The following USP3 variants were observed in gnomAD, a reference collection of about 807,000 sequenced individuals.
USP3 encodes ubiquitin specific peptidase 3.
In USP3, 20 loss-of-function variants were observed where a neutral mutation model predicts 72.3. That is an observed-to-expected ratio of 0.28 (90% CI 0.19 to 0.40). The LOEUF (loss-of-function observed/expected upper bound fraction) is 0.40, where lower values mean the gene tolerates loss of function less well. Ranked by LOEUF, USP3 falls within the 10% of genes least tolerant of loss-of-function variation. The pLI is 1.00. For missense variants in USP3, 479 were observed against 633.9 expected, an observed-to-expected ratio of 0.76 and a Z score of 2.62; for synonymous variants, 222 against 225.3, an observed-to-expected ratio of 0.99 and a Z score of 0.13.
chr15:63,589,153 G>A (rs1487590937), intron 14 of USP3, 142 bp downstream of exon 14: 2 of 866,022 alleles, frequency 2.3e-6, no homozygotes, highest in African/African-American at 1.7e-5. Flanking sequence ...TTTTGGTGCG[G>A]AAGAGTACTC....
chr15:63,506,399 G>A (rs547792233), intron 1 of USP3, among the ~76,000 whole-genome samples: 2 of 152,082 alleles, frequency 1.3e-5, no homozygotes, highest in South Asian at 2.1e-4. Flanking sequence ...GTAAACACTA[G>A]GAGAAGCCTA....
In USP3 at chr15:63,545,010, A is replaced by G. The variant is rs76797904; in HGVS notation, c.284+7854A>G. On this transcript the variant is annotated intron_variant, in intron 3 of 14. Coordinates refer to ENST00000380324, the MANE Select transcript of USP3 (RefSeq NM_006537.4). ...AAGAGAAAAAAGATGAGTTTTTGAG[A>G]GTGTATAGAAAGAAAAGTAGCAAGG... Among the ~76,000 whole-genome samples, 6 of 152,306 alleles carry G rather than the reference A, an allele frequency of 3.9e-5. No homozygotes were observed. The East Asian group carries it at 1.2e-3, about 29-fold the overall frequency.
intron 9 of USP3, among the ~76,000 whole-genome samples, chr15:63,573,057 G>A (rs902492114): frequency 6.6e-6 from 1 of 152,168 alleles, no homozygotes; most frequent in Non-Finnish European, 1.5e-5. Flanking sequence ...GGTCTCACTG[G>A]TACGCTTTCT....
chr15:63,515,066 A>G (rs2065833386), intron 1 of USP3, among the ~76,000 whole-genome samples: 1 of 152,190 alleles, frequency 6.6e-6, no homozygotes, highest in Non-Finnish European at 1.5e-5. Flanking sequence ...TGGTCTTCCA[A>G]AGGCAAAAAT....
Position 63,570,645 on chromosome 15 carries a change from G to A in USP3, c.908+66G>A. 1 of 1,544,134 alleles carries A rather than the reference G, an allele frequency of 6.5e-7. No individual in the cohort carries two copies. The highest frequency in any genetic ancestry group is 1.3e-5 in the South Asian group (1 of 78,274). On this transcript the variant is annotated intron_variant, in intron 9 of 14. Coordinates refer to ENST00000380324, the MANE Select transcript of USP3 (RefSeq NM_006537.4). This position sits in a 1 kb window ranked among gnomAD's most constrained non-coding sequence, Gnocchi z 4.4. Reference sequence around the variant, plus strand: ...ACATTTCTTTTGGTGTTAATTATGTGTTAGATTTATAACGGAAGGTAGAGG... The same window carrying A: ...ACATTTCTTTTGGTGTTAATTATGTATTAGATTTATAACGGAAGGTAGAGG...
intron 1 of USP3, among the ~76,000 whole-genome samples, chr15:63,507,925 G>C (rs2065734526): frequency 6.6e-6 from 1 of 152,080 alleles, no homozygotes; most frequent in Admixed American, 6.5e-5. Context: ...TAAATTGACA[G>C]TTTATGTAAA....
chr15:63,555,195 C>T (rs1038544600), intron 4 of USP3, among the ~76,000 whole-genome samples: 1 of 152,226 alleles, frequency 6.6e-6, no homozygotes, highest in African/African-American at 2.4e-5. Flanking sequence ...CATGAAAAAT[C>T]TACCTTACAG....
intron 4 of USP3, chr15:63,556,371 G>A (rs1028338320): frequency 1.2e-5 from 3 of 252,214 alleles, no homozygotes; most frequent in African/African-American, 2.2e-5. Context: ...GTGAAGCTTC[G>A]CAGTCAGTCA....
intron 3 of USP3, among the ~76,000 whole-genome samples, chr15:63,538,878 T>A (rs771941697): frequency 1.6e-4 from 24 of 152,314 alleles, no homozygotes; most frequent in Middle Eastern, 3.4e-3. Context: ...TTAAGGGTTA[T>A]TCATTCAGAT....
intron 3 of USP3, among the ~76,000 whole-genome samples, chr15:63,550,066 C>A (rs1022223932): frequency 2.4e-4 from 36 of 152,218 alleles, no homozygotes; most frequent in African/African-American, 8.4e-4. Context: ...CTGGAGTGCA[C>A]TGGAGTGCAG....
rs1443044930 is a variant in USP3, at chr15:63,580,669, ATGAAT to A, written c.1096+6267_1096+6271del. 6.7e-3 allele frequency among the ~76,000 whole-genome samples: 420 copies of A among 62,262 alleles called. 29 individuals carry two copies. The highest frequency in any genetic ancestry group is 0.027 in the African/African-American group (403 of 14,720). The allele number at this position is 62,262 out of a possible 152,430, so 40.8% of individuals were successfully genotyped here. ...ATATATATGAATATATAATATATAT[ATGAAT>A]ATATAATATATATGCATATATACTT... On this transcript the variant is annotated intron_variant, in intron 11 of 14. Coordinates refer to ENST00000380324, the MANE Select transcript of USP3 (RefSeq NM_006537.4).
Position 63,532,628 on chromosome 15 carries a change from G to A in USP3, c.92-19G>A, listed in dbSNP as rs765861552. The A allele has an allele frequency of 6.2e-7, 1 of 1,613,674 alleles. No individual in the cohort carries two copies. The highest frequency in any genetic ancestry group is 8.5e-7 in the Non-Finnish European group (1 of 1,179,688). ...TAACATGATGCAATTGGTATATTGT[G>A]TATTTTTCTTTTTATTAGTGTGCCG... On this transcript the variant is annotated intron_variant, in intron 1 of 14. Coordinates refer to ENST00000380324, the MANE Select transcript of USP3 (RefSeq NM_006537.4).
intron 3 of USP3, among the ~76,000 whole-genome samples, chr15:63,541,336 AATAG>A (rs2066242008): frequency 1.3e-5 from 2 of 152,218 alleles, no homozygotes; most frequent in African/African-American, 4.8e-5. Context: ...TGTGAGTTTA[AATAG>A]ATAATGAATC....
At chr15:63,517,492 C>T (rs2065866925) in intron 1 of USP3, among the ~76,000 whole-genome samples, 1 of 152,096 alleles carries the variant, frequency 6.6e-6, no homozygotes, top group Non-Finnish European at 1.5e-5. Context: ...TTGTCTTTGT[C>T]TTTTCATATA....
intron 14 of USP3, among the ~76,000 whole-genome samples, chr15:63,589,444 T>TTGAG (rs2067142014): frequency 6.6e-6 from 1 of 152,232 alleles, no homozygotes; most frequent in South Asian, 2.1e-4. Context: ...GGTTTTTGGT[T>TTGAG]TGAGAGTGGC....
chr15:63,578,781 AG>A (rs1304220057), intron 11 of USP3, among the ~76,000 whole-genome samples: 1 of 152,342 alleles, frequency 6.6e-6, no homozygotes, highest in Non-Finnish European at 1.5e-5. Flanking sequence ...TGTCTTCTGG[AG>A]GAACAAGGCA....
chr15:63,550,882 C>T (rs1380025002), intron 3 of USP3, among the ~76,000 whole-genome samples: 5 of 152,100 alleles, frequency 3.3e-5, no homozygotes, highest in Non-Finnish European at 5.9e-5. Context: ...ACTAGTCAGG[C>T]GCGGTGGCTC....
rs2152647444 is a variant in USP3, at chr15:63,511,949, A to T, written c.91+7119A>T. On this transcript the variant is annotated intron_variant, in intron 1 of 14. Coordinates refer to ENST00000380324, the MANE Select transcript of USP3 (RefSeq NM_006537.4). ...CATAAAAACTAAAACTAGTAACTGC[A>T]GATCTTTTTTTTTTTTTTTTTTTTT... 2.0e-5 allele frequency among the ~76,000 whole-genome samples: 3 copies of T among 147,580 alleles called. No individual in the cohort carries two copies. The South Asian group carries it at 6.4e-4, about 32-fold the overall frequency.
Position 63,545,712 on chromosome 15 carries a change from G to A in USP3, c.285-8003G>A, listed in dbSNP as rs139390530. The stretch of plus-strand genomic sequence containing the variant: ...AGGCCAGGCACGGTAGCTCACAACT[G>A]TAATCCCAGCACATTGGGAGGCTAA... On this transcript the variant is annotated intron_variant, in intron 3 of 14. Transcript: ENST00000380324. Among the ~76,000 whole-genome samples, 3 of 152,100 alleles carry A rather than the reference G, an allele frequency of 2.0e-5. No homozygotes were observed. In the East Asian group the frequency reaches 5.8e-4, roughly 29 times the overall value.
Sources: gnomAD v4.1 joint callset for allele counts (sites outside exome capture counted in the v4.1 genomes callset) on GRCh38, gnomAD v4.1.1 for gene constraint, Gnocchi (gnomAD v3.1) non-coding constraint, MANE v1.5 for transcripts, NCBI Gene and HGNC (gene_info 2026-07-23, HGNC 2026-07-21) for gene names.